C6: variants seen among roughly 807,000 people sequenced by gnomAD.
C6 encodes complement C6.
C6 carries 101 observed loss-of-function variants against 112.9 expected under a neutral mutation model. The observed-to-expected ratio is 0.89, with a 90% CI of 0.76 to 1.06. The LOEUF (loss-of-function observed/expected upper bound fraction) is 1.06, where lower values mean the gene tolerates loss of function less well. Ranked by LOEUF, C6 falls within the 50% of genes least tolerant of loss-of-function variation. The pLI is 0.00. For missense variants in C6, 1,202 were observed against 1,104.6 expected (o/e 1.09, Z -1.25); for synonymous variants, 431 against 384.1 (o/e 1.12, Z -1.43).
At chr5:41,244,166 G>T (rs1361022959) in intron 1 of C6, among the ~76,000 whole-genome samples, 1 of 152,158 alleles carries the variant, frequency 6.6e-6, no homozygotes, top group African/African-American at 2.4e-5. Flanking sequence ...TTATAATAAA[G>T]TTGCAAAAGC....
Position 41,160,175 on chromosome 5 carries a change from T to A in C6, c.1651A>T (p.Asn551Tyr). Residue 551 changes from asparagine to tyrosine, a missense_variant, in exon 11 of 18, where the codon AAC becomes TAC. Coordinates refer to ENST00000337836, the MANE Select transcript of C6 (RefSeq NM_000065.5). ...TAATCTGGAGACTGTTTCTCACAGT[T>A]CTCACCATAGGTGCCACTCTGACAC... Reference protein sequence around the residue: ...CVCQSGTYGENCEKQSPDYKS... With the variant: ...CVCQSGTYGEYCEKQSPDYKS... 5.0e-6 allele frequency: 8 copies of A among 1,613,784 alleles called. No individual in the cohort carries two copies. In the South Asian group the frequency reaches 8.8e-5, roughly 18 times the overall value.
chr5:41,176,826 A>G, intron 7 of C6, 111 bp from the exon 8 acceptor site: 1 of 1,036,740 alleles, frequency 9.6e-7, no homozygotes, highest in Non-Finnish European at 1.4e-6. Flanking sequence ...ACAGAATTAC[A>G]ATAATTCTCA....
At chr5:41,252,944 A>G (rs1464073744) in intron 1 of C6, among the ~76,000 whole-genome samples, 1 of 152,174 alleles carries the variant, frequency 6.6e-6, no homozygotes, top group Non-Finnish European at 1.5e-5. Flanking sequence ...AAAATGTGTA[A>G]AACCAAGCTG....
intron 1 of C6, among the ~76,000 whole-genome samples, chr5:41,235,088 T>TA (rs1283484746): frequency 8.3e-5 from 12 of 145,132 alleles, no homozygotes; most frequent in Admixed American, 4.2e-4. Context: ...TTTTTTTTTT[T>TA]ATTATACTTT....
chr5:41,222,343 G>T (rs963567445), intron 1 of C6, among the ~76,000 whole-genome samples: 2 of 151,708 alleles, frequency 1.3e-5, no homozygotes, highest in South Asian at 2.1e-4. Flanking sequence ...GTTGTTATAT[G>T]CTAATAGCTT....
chr5:41,215,287 A>T (rs1335810641), upstream of C6, among the ~76,000 whole-genome samples: 3 of 152,150 alleles, frequency 2.0e-5, no homozygotes, highest in African/African-American at 7.2e-5. Context: ...CTTATAGGAA[A>T]AGTTGCAACC....
intron 1 of C6, among the ~76,000 whole-genome samples, chr5:41,226,354 GC>G (rs1411668380): frequency 6.6e-6 from 1 of 152,172 alleles, no homozygotes; most frequent in Non-Finnish European, 1.5e-5. Flanking sequence ...ATGGAAAAAT[GC>G]TCATCATCAC....
chr5:41,176,861 CA>C, intron 7 of C6, 146 bp from the exon 8 acceptor site: 1 of 811,934 alleles, frequency 1.2e-6, no homozygotes, highest in Non-Finnish European at 1.9e-6. Context: ...TTCTCACGTA[CA>C]AAATTATAAT....
At chr5:41,223,727 T>C (rs1196218391) in intron 1 of C6, among the ~76,000 whole-genome samples, 2 of 152,186 alleles carry the variant, frequency 1.3e-5, no homozygotes, top group African/African-American at 4.8e-5. Flanking sequence ...CCAAGTATAG[T>C]AATCAAATTT....
intron 1 of C6, chr5:41,212,872 C>T (rs1402453037): frequency 6.6e-6 from 1 of 152,212 alleles, no homozygotes; most frequent in East Asian, 1.9e-4. Context: ...ATTTTACTCA[C>T]ATGAACCATT....
chr5:41,179,343 A>G (rs1749127005), intron 7 of C6, among the ~76,000 whole-genome samples: 1 of 152,210 alleles, frequency 6.6e-6, no homozygotes, highest in African/African-American at 2.4e-5. Context: ...TATAAATCAC[A>G]TACGTGAAGC....
Position 41,218,997 on chromosome 5 carries a change from A to G in C6, c.-20-15747T>C, listed in dbSNP as rs558395408. On this transcript the variant is annotated intron_variant, in intron 1 of 17. Transcript: ENST00000263413. ...TGTTACTTGCAAGGAAGTTATCCTA[A>G]CTAGGATGTATTTTATGATTTTCAA... Among the ~76,000 whole-genome samples the G allele has an allele frequency of 3.3e-4, 51 of 152,284 alleles. 1 individual carries two copies. The highest frequency in any genetic ancestry group is 1.2e-3 in the African/African-American group (50 of 41,582).
chr5:41,246,216 C>G (rs1042129203), intron 1 of C6, among the ~76,000 whole-genome samples: 8 of 152,138 alleles, frequency 5.3e-5, no homozygotes, highest in Admixed American at 3.9e-4. Flanking sequence ...TGCTACGTTT[C>G]TCTTGGATTC....
At chr5:41,248,153 C>T (rs545710273) in intron 1 of C6, among the ~76,000 whole-genome samples, 1 of 150,488 alleles carries the variant, frequency 6.6e-6, no homozygotes, top group Non-Finnish European at 1.5e-5. Context: ...GTATCTTTCA[C>T]CATATACAAA....
At chr5:41,223,169 T>G (rs1739282508) in intron 1 of C6, among the ~76,000 whole-genome samples, 1 of 152,122 alleles carries the variant, frequency 6.6e-6, no homozygotes, top group African/African-American at 2.4e-5. Flanking sequence ...TAACTAACAT[T>G]TAGAGATTAA....
At chr5:41,190,856 A>C (rs1291578352) in intron 5 of C6, among the ~76,000 whole-genome samples, 1 of 150,672 alleles carries the variant, frequency 6.6e-6, no homozygotes, top group Non-Finnish European at 1.5e-5. Context: ...AATTAAAGAG[A>C]CTCTTGTTTC....
At chr5:41,219,404 G>A (rs1284915276) in intron 1 of C6, among the ~76,000 whole-genome samples, 1 of 152,070 alleles carries the variant, frequency 6.6e-6, no homozygotes, top group Non-Finnish European at 1.5e-5. Flanking sequence ...AGCTTTGGGA[G>A]GGCTGTATTG....
chr5:41,154,652 A>G (rs907099711), intron 14 of C6, among the ~76,000 whole-genome samples: 2 of 152,198 alleles, frequency 1.3e-5, no homozygotes, highest in Admixed American at 6.5e-5. Context: ...TTTTGCGTCA[A>G]TTTGAACATT....
At position 41,252,556 on chromosome 5, in the gene C6, T is replaced by C. The variant is rs138983648; in HGVS notation, c.-21+8638A>G. Among the ~76,000 whole-genome samples, 518 of 152,170 alleles carry C rather than the reference T, an allele frequency of 3.4e-3. 3 individuals carry two copies. The highest frequency in any genetic ancestry group is 0.012 in the African/African-American group (502 of 41,530). On this transcript the variant is annotated intron_variant, in intron 1 of 17. Transcript: ENST00000263413. ...TAGCAGGTCCTGAAGAAAAGAAAAA[T>C]ATTTTACCTCAAAATGTAATTCTTT...
Sources: gnomAD v4.1 joint callset for allele counts (sites outside exome capture counted in the v4.1 genomes callset) on GRCh38, gnomAD v4.1.1 for gene constraint, MANE v1.5 for transcripts, NCBI Gene and HGNC (gene_info 2026-07-23, HGNC 2026-07-21) for gene names.